PSMG2: variants seen among roughly 807,000 people sequenced by gnomAD.
The protein encoded by PSMG2 is proteasome assembly chaperone 2.
PSMG2 carries 21 observed loss-of-function variants against 31.5 expected under a neutral mutation model. The ratio of observed to expected loss-of-function variants is 0.67; its 90% CI spans 0.47 to 0.96. The LOEUF (loss-of-function observed/expected upper bound fraction) is 0.96, where lower values mean the gene tolerates loss of function less well. Ranked by LOEUF, PSMG2 falls within the 40% of genes least tolerant of loss-of-function variation. The pLI is 0.00. For synonymous variants in PSMG2, 120 were observed against 110.4 expected (o/e 1.09, Z -0.54); for missense variants, 318 against 321.2 (o/e 0.99, Z 0.08).
At position 12,670,002 on chromosome 18, in the gene PSMG2, AAAAAG is replaced by A. The variant is rs543401096; in HGVS notation, c.-37+11239_-37+11243del. Among the ~76,000 whole-genome samples, 1,362 of 151,388 alleles carry A rather than the reference AAAAAG, an allele frequency of 9.0e-3. 29 individuals carry two copies. Among genetic ancestry groups the A allele is most frequent in the African/African-American group, 0.032 (1,313 of 41,164 alleles). On this transcript the variant is annotated intron_variant, in intron 1 of 6. Transcript: ENST00000585331. ...ACAAGAGCCAAACTGTCTCAAAAAAAAAAAGAAAAGAAAAAGAAAAAGAAAAATTA... is the reference window on the plus strand; with the variant it reads ...ACAAGAGCCAAACTGTCTCAAAAAAAAAAAGAAAAAGAAAAAGAAAAATTA...
At chr18:12,702,973 A>G, upstream of PSMG2, 2 of 1,013,422 alleles carry the variant, frequency 2.0e-6, no homozygotes, top group Non-Finnish European at 2.8e-6. Flanking sequence ...GACGGGCCTC[A>G]AGGGCCCGGC....
intron 1 of PSMG2, among the ~76,000 whole-genome samples, chr18:12,662,460 T>C (rs1201558752): frequency 1.3e-5 from 2 of 152,204 alleles, no homozygotes; most frequent in East Asian, 3.8e-4. Flanking sequence ...ACAATGTCCA[T>C]GTACACTCAC....
chr18:12,669,106 T>C (rs2038874894), intron 1 of PSMG2, among the ~76,000 whole-genome samples: 1 of 130,260 alleles, frequency 7.7e-6, no homozygotes, highest in African/African-American at 2.7e-5. Flanking sequence ...TGGTGTGATC[T>C]CAGCTCACGG....
At chr18:12,703,684 G>A (rs923217324) in intron 1 of PSMG2, among the ~76,000 whole-genome samples, 2 of 152,160 alleles carry the variant, frequency 1.3e-5, no homozygotes, top group East Asian at 1.9e-4. Context: ...AATTTACACT[G>A]TAGTTGGAAA....
chr18:12,682,404 G>C (rs923264807), intron 1 of PSMG2, among the ~76,000 whole-genome samples: 3 of 152,160 alleles, frequency 2.0e-5, no homozygotes, highest in Admixed American at 1.3e-4. Flanking sequence ...GCCCTGGCTG[G>C]TCTCGAATTC....
At chr18:12,676,279 CTTTTTTTT>C in intron 1 of PSMG2, among the ~76,000 whole-genome samples, 1 of 106,430 alleles carries the variant, frequency 9.4e-6, no homozygotes, top group East Asian at 2.9e-4. Context: ...ACAGTAATTC[CTTTTTTTT>C]TTTTTTTTTT....
At chr18:12,658,898 A>C in intron 1 of PSMG2, 1 of 276,886 alleles carries the variant, frequency 3.6e-6, no homozygotes, top group South Asian at 3.1e-5. Context: ...GTCCTTCCGG[A>C]TTCATTTGTA....
chr18:12,686,468 A>C (rs762320854), intron 1 of PSMG2: 1 of 1,560,176 alleles, frequency 6.4e-7, no homozygotes, highest in East Asian at 2.2e-5. Context: ...AAAGGGGAAA[A>C]ACATCTGTAA....
At chr18:12,724,788 A>G (rs2040460259) in intron 6 of PSMG2, 169 bp downstream of exon 6, 4 of 670,584 alleles carry the variant, frequency 6.0e-6, no homozygotes, top group African/African-American at 1.9e-5. Flanking sequence ...AGGACAGTTA[A>G]CCAACCTATT....
chr18:12,710,520 T>C (rs1340769371), intron 2 of PSMG2, among the ~76,000 whole-genome samples: 1 of 152,220 alleles, frequency 6.6e-6, no homozygotes, highest in Non-Finnish European at 1.5e-5. Context: ...AAATCTCTTT[T>C]ACTCTAGAGC....
intron 1 of PSMG2, among the ~76,000 whole-genome samples, chr18:12,668,533 G>C (rs1433533515): frequency 7.2e-6 from 1 of 138,486 alleles, no homozygotes; most frequent in Non-Finnish European, 1.5e-5. Flanking sequence ...AGGAGGTAGA[G>C]GTTGCAGGGA....
chr18:12,686,440 C>G, intron 1 of PSMG2: 1 of 1,606,090 alleles, frequency 6.2e-7, no homozygotes, highest in Non-Finnish European at 8.5e-7. Flanking sequence ...TCTATTTATC[C>G]CATTTTCATC....
At chr18:12,707,550 T>C (rs914857305) in intron 2 of PSMG2, among the ~76,000 whole-genome samples, 1 of 152,218 alleles carries the variant, frequency 6.6e-6, no homozygotes, top group Admixed American at 6.6e-5. Flanking sequence ...GGTGTAGGCT[T>C]TTCCCATACT....
At chr18:12,681,152 C>T (rs2039333837) in intron 1 of PSMG2, among the ~76,000 whole-genome samples, 1 of 150,172 alleles carries the variant, frequency 6.7e-6, no homozygotes, top group Non-Finnish European at 1.5e-5. Context: ...GAGCTACAAT[C>T]GCGCCACTGC....
chr18:12,669,594 A>G (rs1462458149), intron 1 of PSMG2, among the ~76,000 whole-genome samples: 1 of 152,200 alleles, frequency 6.6e-6, no homozygotes, highest in Non-Finnish European at 1.5e-5. Flanking sequence ...GACTGTTGGC[A>G]TACATATTGT....
chr18:12,672,709 T>C lies in PSMG2; in HGVS notation c.-37+13936T>C, dbSNP rs1054209027. The C allele has an allele frequency of 2.3e-5, 22 of 971,670 alleles. No individual in the cohort carries two copies. In the African/African-American group the frequency reaches 3.9e-4, roughly 17 times the overall value. 60.2% of individuals were successfully genotyped at this position (971,670 alleles called of 1,614,324 possible). On this transcript the variant is annotated intron_variant, in intron 1 of 6. Transcript: ENST00000585331. ...TTTTTCTAAAATACCCAATTCATTT[T>C]TACAACAAATCACAGTGATAAATAT...
At chr18:12,673,573 A>G in intron 1 of PSMG2, 2 of 1,299,370 alleles carry the variant, frequency 1.5e-6, no homozygotes, top group Non-Finnish European at 2.1e-6. Flanking sequence ...TTGCAAGTAA[A>G]TCAGTATTTA....
At chr18:12,695,738 T>A (rs1333597378) in intron 1 of PSMG2, among the ~76,000 whole-genome samples, 1 of 151,970 alleles carries the variant, frequency 6.6e-6, no homozygotes, top group Non-Finnish European at 1.5e-5. Context: ...TTAAGAAACT[T>A]TTCTGACTTA....
At chr18:12,678,028 G>T in intron 1 of PSMG2, 2 of 1,035,008 alleles carry the variant, frequency 1.9e-6, no homozygotes, top group Non-Finnish European at 2.9e-6. Flanking sequence ...ATAGTGACTG[G>T]CACTATCACA....
Sources: allele counts gnomAD v4.1 joint callset (sites outside exome capture counted in the v4.1 genomes callset), GRCh38; gene constraint gnomAD v4.1.1; transcripts MANE v1.5; gene names NCBI Gene and HGNC (gene_info 2026-07-23, HGNC 2026-07-21).